The following MAMSTR variants were observed in gnomAD, a reference collection of about 807,000 sequenced individuals.
MAMSTR encodes the protein MEF2 activating motif and SAP domain containing transcriptional regulator, also known as MEF2-activating motif and SAP domain-containing transcriptional regulator.
Under a neutral mutation model 42.7 loss-of-function variants are expected in MAMSTR, and 41 were observed. The observed-to-expected ratio is 0.96, with a 90% CI of 0.75 to 1.25. The LOEUF is 1.25. Ranked by LOEUF, MAMSTR falls within the 50% of genes most tolerant of loss-of-function variation. The probability of loss-of-function intolerance (pLI) is 0.00; values close to 1 mark genes in which losing one functional copy is unlikely to be tolerated. For missense variants in MAMSTR, 567 were observed against 557.6 expected (o/e 1.02, Z -0.17); for synonymous variants, 265 against 244.1 (o/e 1.09, Z -0.80).
intron 2 of MAMSTR, chr19:48,717,020 C>A (rs2033069846): frequency 9.0e-7 from 1 of 1,109,384 alleles, no homozygotes; most frequent in Non-Finnish European, 1.1e-6. Flanking sequence ...CCACCTGCCC[C>A]CTCCATGAGC....
At chr19:48,710,289 A>G (rs1474960648), downstream of MAMSTR, among the ~76,000 whole-genome samples, 4 of 107,186 alleles carry the variant, frequency 3.7e-5, no homozygotes, top group African/African-American at 1.6e-4. Context: ...TTTTTTTTGT[A>G]TTTTTAGTAG....
intron 4 of MAMSTR, 44 bp downstream of exon 4, chr19:48,715,581 A>C (rs1266604493): frequency 1.3e-6 from 2 of 1,505,662 alleles, no homozygotes; most frequent in Admixed American, 5.3e-5. Context: ...AGGGAGACAA[A>C]GACTAGGCTC....
intron 2 of MAMSTR, among the ~76,000 whole-genome samples, chr19:48,717,656 T>C (rs1301914151): frequency 6.6e-6 from 1 of 150,788 alleles, no homozygotes; most frequent in Non-Finnish European, 1.5e-5. Flanking sequence ...TGCCTTAACC[T>C]CCCAAGTAGC....
rs2122388493 is a variant in MAMSTR, at chr19:48,719,625, G to C, written c.-22+54C>G. The C allele has an allele frequency of 6.5e-6, 1 of 153,880 alleles. No individual in the cohort carries two copies. Among genetic ancestry groups the C allele is most frequent in the African/African-American group, 2.4e-5 (1 of 41,564 alleles). 9.5% of individuals were successfully genotyped at this position (153,880 alleles called of 1,614,324 possible). On this transcript the variant is annotated intron_variant, in intron 1 of 9. Coordinates refer to ENST00000318083, the MANE Select transcript of MAMSTR (RefSeq NM_001130915.2). This position sits in a 1 kb window ranked among gnomAD's most constrained non-coding sequence, Gnocchi z 4.4. The stretch of plus-strand genomic sequence containing the variant: ...TGGGGAAGGGACTGGGACCAGAGAG[G>C]GGATAGAACCGTTGAGGAGTGCGCC...
intron 9 of MAMSTR, 43 bp downstream of exon 9, chr19:48,713,673 C>A (rs749824937): frequency 5.5e-5 from 88 of 1,612,486 alleles, no homozygotes; most frequent in Non-Finnish European, 7.3e-5. Context: ...GAGTCCAGAA[C>A]CTCAGCCCCC....
chr19:48,710,819 C>T (rs950403179), downstream of MAMSTR, among the ~76,000 whole-genome samples: 7 of 151,954 alleles, frequency 4.6e-5, no homozygotes, highest in African/African-American at 1.7e-4. Context: ...GAACTCCTGA[C>T]CTCATGATCC....
downstream of MAMSTR, among the ~76,000 whole-genome samples, chr19:48,708,246 A>G (rs554285728): frequency 1.6e-4 from 25 of 151,644 alleles, no homozygotes; most frequent in South Asian, 3.7e-3. Context: ...AAAAAAAAAA[A>G]AAAAAAAGAA....
At chr19:48,714,299 C>T in intron 7 of MAMSTR, 67 bp downstream of exon 7, 6 of 1,289,534 alleles carry the variant, frequency 4.7e-6, no homozygotes, top group Non-Finnish European at 5.0e-6. Flanking sequence ...CTAGTTTTTT[C>T]GACACCCCGC....
intron 3 of MAMSTR, among the ~76,000 whole-genome samples, chr19:48,716,374 CAAA>C (rs35058019): frequency 9.2e-5 from 6 of 65,018 alleles, no homozygotes; most frequent in African/African-American, 3.1e-4. Context: ...GATTCCATCT[CAAA>C]AAAAAAAAAA....
At chr19:48,714,972 G>T in intron 5 of MAMSTR, 64 bp from the exon 6 acceptor site, 2 of 1,093,084 alleles carry the variant, frequency 1.8e-6, no homozygotes, top group Non-Finnish European at 1.3e-6. Context: ...GCGTTCTGGG[G>T]TCCTCAAAGA....
rs767690420 is a variant in MAMSTR at position 48,713,771 on chromosome 19, C to T, written c.910-1G>A. Reference sequence around the variant, plus strand: ...CATCGATGCCCCGGTTAGGAAGCAACTGCGGATGGAGAAATTTGGCGTGAA... The same window carrying T: ...CATCGATGCCCCGGTTAGGAAGCAATTGCGGATGGAGAAATTTGGCGTGAA... On this transcript the variant is annotated splice_acceptor_variant, in intron 8 of 9. Transcript: ENST00000318083. LOFTEE classifies it high-confidence loss of function. 6 of 1,614,224 alleles carry T rather than the reference C, an allele frequency of 3.7e-6. No homozygotes were observed. Among genetic ancestry groups the T allele is most frequent in the South Asian group, 2.2e-5 (2 of 91,092 alleles).
At chr19:48,710,458 GT>G (rs1278252132), downstream of MAMSTR, among the ~76,000 whole-genome samples, 2 of 118,324 alleles carry the variant, frequency 1.7e-5, no homozygotes, top group Non-Finnish European at 3.2e-5. Context: ...ATCTTGATCT[GT>G]TGCCCAGGCT....
intron 2 of MAMSTR, among the ~76,000 whole-genome samples, chr19:48,717,296 T>G (rs975004296): frequency 2.0e-5 from 3 of 150,034 alleles, no homozygotes; most frequent in Non-Finnish European, 4.5e-5. Context: ...GTTAACACTG[T>G]TTTTTTTTCC....
intron 2 of MAMSTR, among the ~76,000 whole-genome samples, chr19:48,717,304 T>A (rs987459775): frequency 6.6e-6 from 1 of 151,908 alleles, no homozygotes; most frequent in African/African-American, 2.4e-5. Flanking sequence ...TGTTTTTTTT[T>A]CCTTTTTTTA....
chr19:48,714,617 C>T, intron 6 of MAMSTR, 57 bp from the exon 7 acceptor site: 1 of 1,426,282 alleles, frequency 7.0e-7, no homozygotes, highest in Non-Finnish European at 9.3e-7. Flanking sequence ...CGGGCGCAGG[C>T]AGGAGCTGGA....
chr19:48,712,376 A>G (rs550881267), downstream of MAMSTR, among the ~76,000 whole-genome samples: 226 of 135,004 alleles, frequency 1.7e-3, 1 homozygote, highest in African/African-American at 6.0e-3. Flanking sequence ...TGTTTTCCCC[A>G]CTCTTCTGCT....
At chr19:48,716,039 G>A in intron 3 of MAMSTR, 1 of 1,053,224 alleles carries the variant, frequency 9.5e-7, no homozygotes, top group East Asian at 4.7e-5. Flanking sequence ...TAGGACAGGG[G>A]TGGGGCCTGC....
intron 3 of MAMSTR, 43 bp from the exon 4 acceptor site, chr19:48,715,810 A>G (rs1417897273): frequency 2.0e-6 from 3 of 1,515,624 alleles, no homozygotes; most frequent in Non-Finnish European, 2.6e-6. Context: ...GCAGGCAGCA[A>G]GCCAGGCCGG....
In MAMSTR at chr19:48,713,256, C is replaced by A. The variant is rs756702812; in HGVS notation, c.*11G>T. 4 of 1,580,734 alleles carry A rather than the reference C, an allele frequency of 2.5e-6. No homozygotes were observed. The highest frequency in any genetic ancestry group is 2.6e-6 in the Non-Finnish European group (3 of 1,169,764). On this transcript the variant is annotated 3_prime_UTR_variant, in exon 10 of 10. Coordinates refer to ENST00000318083, the MANE Select transcript of MAMSTR (RefSeq NM_001130915.2). ...CCATCAGTTCTCTGTCTCTGTAAATCCTAGAATCCATCACCATGGATCCTC... is the reference window on the plus strand; with the variant it reads ...CCATCAGTTCTCTGTCTCTGTAAATACTAGAATCCATCACCATGGATCCTC...
Sources: gnomAD v4.1 joint callset for allele counts (sites outside exome capture counted in the v4.1 genomes callset) on GRCh38, gnomAD v4.1.1 for gene constraint, Gnocchi (gnomAD v3.1) non-coding constraint, MANE v1.5 for transcripts, NCBI Gene and HGNC (gene_info 2026-07-23, HGNC 2026-07-21) for gene names.